The following MDFIC variants were observed in gnomAD, a reference collection of about 807,000 sequenced individuals.
MDFIC encodes the protein myoD family inhibitor domain-containing protein.
A neutral mutation model predicts 23.2 loss-of-function variants in MDFIC; 17 were observed. The ratio of observed to expected loss-of-function variants is 0.73; its 90% CI spans 0.50 to 1.10. The LOEUF (loss-of-function observed/expected upper bound fraction) is 1.10, where lower values mean the gene tolerates loss of function less well. Ranked by LOEUF, MDFIC falls within the 50% of genes least tolerant of loss-of-function variation. The pLI is 0.00. For synonymous variants in MDFIC, 120 were observed against 115.2 expected, an observed-to-expected ratio of 1.04 and a Z score of -0.27; for missense variants, 356 against 316.6, an observed-to-expected ratio of 1.12 and a Z score of -0.95.
intron 4 of MDFIC, among the ~76,000 whole-genome samples, chr7:114,994,705 C>A (rs1791281718): frequency 1.3e-5 from 2 of 152,190 alleles, no homozygotes; most frequent in South Asian, 4.1e-4. Flanking sequence ...TGTAAAGTTT[C>A]TGCGGAGAGA....
intron 2 of MDFIC, among the ~76,000 whole-genome samples, chr7:114,928,140 T>C (rs1337833954): frequency 6.6e-6 from 1 of 152,218 alleles, no homozygotes; most frequent in Non-Finnish European, 1.5e-5. Context: ...AGTGGAGGGC[T>C]TATCAGCTGG....
At chr7:115,004,624 A>G (rs1388399071) in intron 4 of MDFIC, among the ~76,000 whole-genome samples, 1 of 152,230 alleles carries the variant, frequency 6.6e-6, no homozygotes, top group East Asian at 1.9e-4. Context: ...AGAATCTGAC[A>G]TGTAGTCAAA....
At chr7:114,993,735 C>A (rs941247215) in intron 4 of MDFIC, among the ~76,000 whole-genome samples, 3 of 152,144 alleles carry the variant, frequency 2.0e-5, no homozygotes, top group Admixed American at 1.3e-4. Flanking sequence ...AATTTCTGTT[C>A]TTTTATATTT....
At chr7:114,996,856 A>G (rs1791343712) in intron 4 of MDFIC, among the ~76,000 whole-genome samples, 1 of 152,222 alleles carries the variant, frequency 6.6e-6, no homozygotes, top group South Asian at 2.1e-4. Flanking sequence ...GTGCAAAAGT[A>G]CTCCAAAAAC....
rs5886743 is a variant in MDFIC at position 114,974,297 on chromosome 7, TTATA to T, written c.218-5197_218-5194del. On this transcript the variant is annotated intron_variant, in intron 3 of 4. Transcript: ENST00000393486. ...GCAAATAATTGCATATATATGCATA[TTATA>T]TATATATATATCTTCTACTATCTGT... 4.6e-3 allele frequency among the ~76,000 whole-genome samples: 691 copies of T among 151,126 alleles called. 4 individuals carry two copies. Among genetic ancestry groups the T allele is most frequent in the Non-Finnish European group, 6.5e-3 (443 of 67,728 alleles).
chr7:114,938,273 T>G (rs1432177367), intron 2 of MDFIC, among the ~76,000 whole-genome samples: 1 of 152,194 alleles, frequency 6.6e-6, no homozygotes, highest in African/African-American at 2.4e-5. Flanking sequence ...GTATTCTTAA[T>G]AGTTATCCTT....
At chr7:114,923,414 G>A in intron 2 of MDFIC, 2 of 1,508,116 alleles carry the variant, frequency 1.3e-6, no homozygotes, top group Non-Finnish European at 1.8e-6. Context: ...ATGCATGTTT[G>A]GGCCTAAGAC....
chr7:114,972,452 G>T (rs1017766101), intron 3 of MDFIC, among the ~76,000 whole-genome samples: 1 of 152,028 alleles, frequency 6.6e-6, no homozygotes, highest in Admixed American at 6.6e-5. Context: ...TCACCCATCT[G>T]ATATCCTCCT....
rs546773454 is a variant in MDFIC, at chr7:114,937,798, C to T, written c.95-4477C>T. ...TCCAGAGTAAACATACTAGGATGCT[C>T]AGGAGCTAGTCTTTGGAAGTAGATG... On this transcript the variant is annotated intron_variant, in intron 2 of 4. Transcript: ENST00000393486. Among the ~76,000 whole-genome samples, 62 of 152,258 alleles carry T rather than the reference C, an allele frequency of 4.1e-4. No individual in the cohort carries two copies. In the South Asian group the frequency reaches 0.012, roughly 30 times the overall value.
At chr7:114,947,864 C>A (rs1381763602) in intron 3 of MDFIC, among the ~76,000 whole-genome samples, 3 of 152,124 alleles carry the variant, frequency 2.0e-5, no homozygotes, top group Non-Finnish European at 2.9e-5. Context: ...TAGCACAAAG[C>A]AAAATGAGTA....
chr7:115,010,341 A>T (rs1366120439), intron 4 of MDFIC, among the ~76,000 whole-genome samples: 1 of 152,124 alleles, frequency 6.6e-6, no homozygotes, highest in Non-Finnish European at 1.5e-5. Context: ...TGACTTAGAA[A>T]TAGAAGGTTA....
At chr7:114,952,739 T>C (rs1018177629) in intron 3 of MDFIC, among the ~76,000 whole-genome samples, 1 of 152,200 alleles carries the variant, frequency 6.6e-6, no homozygotes, top group African/African-American at 2.4e-5. Context: ...TCTCAAATTG[T>C]CATGAATAAT....
At chr7:114,930,935 C>A (rs1355242603) in intron 2 of MDFIC, among the ~76,000 whole-genome samples, 2 of 152,126 alleles carry the variant, frequency 1.3e-5, no homozygotes, top group East Asian at 3.9e-4. Flanking sequence ...AGATTTTGGA[C>A]AATTTAACTT....
intron 4 of MDFIC, among the ~76,000 whole-genome samples, chr7:114,989,565 T>C (rs1179163611): frequency 1.3e-5 from 2 of 152,204 alleles, no homozygotes; most frequent in Non-Finnish European, 2.9e-5. Context: ...AACCAGCATA[T>C]AGTGTATTTA....
intron 2 of MDFIC, among the ~76,000 whole-genome samples, chr7:114,928,153 A>G (rs923406132): frequency 3.3e-5 from 5 of 152,248 alleles, no homozygotes; most frequent in African/African-American, 1.2e-4. Context: ...TCAGCTGGGC[A>G]TATTCATTTT....
At chr7:115,005,453 C>T (rs1316788927) in intron 4 of MDFIC, among the ~76,000 whole-genome samples, 1 of 152,194 alleles carries the variant, frequency 6.6e-6, no homozygotes, top group African/African-American at 2.4e-5. Flanking sequence ...TTTTGTAGTT[C>T]TGGCATTAGC....
chr7:114,932,624 A>G (rs1324525509), intron 2 of MDFIC, among the ~76,000 whole-genome samples: 1 of 152,218 alleles, frequency 6.6e-6, no homozygotes, highest in Non-Finnish European at 1.5e-5. Context: ...ATCTCCCTGC[A>G]ATTTACTGAA....
chr7:114,951,673 A>G lies in MDFIC; in HGVS notation c.217+9276A>G. The stretch of plus-strand genomic sequence containing the variant: ...TCTCTTTTCTGTGTTTTTTTTTCCC[A>G]TGAAGTGAATTATTTTATTAAATTA... On this transcript the variant is annotated intron_variant, in intron 3 of 4. Coordinates refer to ENST00000393486, the MANE Select transcript of MDFIC (RefSeq NM_001166345.3). 1.3e-5 allele frequency among the ~76,000 whole-genome samples: 2 copies of G among 151,754 alleles called. 1 individual carries two copies. Among genetic ancestry groups the G allele is most frequent in the East Asian group, 3.9e-4 (2 of 5,176 alleles).
intron 2 of MDFIC, among the ~76,000 whole-genome samples, chr7:114,927,137 A>G (rs943126602): frequency 6.6e-6 from 1 of 152,172 alleles, no homozygotes; most frequent in African/African-American, 2.4e-5. Context: ...AGAAACTGCT[A>G]TCCTTGAGGC....
Sources: gnomAD v4.1 joint callset for allele counts (sites outside exome capture counted in the v4.1 genomes callset) on GRCh38, gnomAD v4.1.1 for gene constraint, MANE v1.5 for transcripts, NCBI Gene and HGNC (gene_info 2026-07-23, HGNC 2026-07-21) for gene names.